Variants in SPRY3 observed in about 807,000 individuals in gnomAD.
SPRY3 encodes protein sprouty homolog 3.
A neutral mutation model predicts 20.2 loss-of-function variants in SPRY3; 15 were observed. The ratio of observed to expected loss-of-function variants is 0.74; its 90% CI spans 0.50 to 1.14. The LOEUF is 1.14. Ranked by LOEUF, SPRY3 falls within the 50% of genes most tolerant of loss-of-function variation. The pLI is 0.00. For synonymous variants in SPRY3, 143 were observed against 136.5 expected, an observed-to-expected ratio of 1.05 and a Z score of -0.33; for missense variants, 364 against 363.9, an observed-to-expected ratio of 1.00 and a Z score of 0.00.
chrX:155,616,643 A>G (rs1157987591), intron 1 of SPRY3, among the ~76,000 whole-genome samples: 1 of 111,338 alleles, frequency 9.0e-6, no homozygotes, highest in Admixed American at 9.5e-5. Flanking sequence ...CCTGGTTACC[A>G]TAGACCTTTA....
intron 2 of SPRY3, among the ~76,000 whole-genome samples, chrX:155,735,544 C>G (rs559038040): frequency 3.3e-5 from 5 of 152,020 alleles, no homozygotes; most frequent in African/African-American, 1.2e-4. Flanking sequence ...AGAGAATTGA[C>G]CCCTTTATTA....
chrX:155,723,220 G>C (rs1447012603), intron 2 of SPRY3, among the ~76,000 whole-genome samples: 1 of 152,014 alleles, frequency 6.6e-6, no homozygotes. Context: ...CTTTGCTATT[G>C]TGAATAGTTC....
chrX:155,774,697 G>A, exon 4 of SPRY3: 1 of 1,613,766 alleles, frequency 6.2e-7, no homozygotes, highest in Non-Finnish European at 8.5e-7. Context: ...GATCTCTTCT[G>A]GTAGTGCACC....
chrX:155,758,312 T>C (rs1602993737), intron 2 of SPRY3, among the ~76,000 whole-genome samples: 3 of 152,170 alleles, frequency 2.0e-5, no homozygotes, highest in African/African-American at 7.2e-5. Context: ...GGCCTAGAGA[T>C]GAAGAATGAC....
intron 1 of SPRY3, among the ~76,000 whole-genome samples, chrX:155,649,796 G>A (rs1477471869): frequency 9.0e-6 from 1 of 111,112 alleles, no homozygotes; most frequent in Non-Finnish European, 1.9e-5. Flanking sequence ...AGGAAATAAA[G>A]GGTATTCAAA....
intron 2 of SPRY3, among the ~76,000 whole-genome samples, chrX:155,735,433 C>A (rs1448681313): frequency 1.3e-5 from 2 of 151,956 alleles, no homozygotes; most frequent in Non-Finnish European, 1.5e-5. Flanking sequence ...AAATTTCCAA[C>A]TATAAAAGTG....
chrX:155,613,182 A>T (rs868980094), intron 1 of SPRY3, among the ~76,000 whole-genome samples: 1 of 112,311 alleles, frequency 8.9e-6, no homozygotes, highest in Non-Finnish European at 1.9e-5. Flanking sequence ...GCTCCTCCCG[A>T]GTCCTCCCAC....
chrX:155,692,874 G>A (rs184806793), intron 2 of SPRY3, among the ~76,000 whole-genome samples: 1 of 111,460 alleles, frequency 9.0e-6, no homozygotes, highest in East Asian at 2.8e-4. Flanking sequence ...ATGTACTGAT[G>A]TGCTCTTTGC....
intron 3 of SPRY3, among the ~76,000 whole-genome samples, chrX:155,771,609 A>G (rs1418857613): frequency 2.0e-5 from 3 of 152,166 alleles, no homozygotes; most frequent in Non-Finnish European, 4.4e-5. Context: ...AAATTTGTCA[A>G]AAGACTCCTC....
intron 2 of SPRY3, among the ~76,000 whole-genome samples, chrX:155,716,982 ATATAT>A (rs1187489445): frequency 4.5e-5 from 4 of 89,184 alleles, no homozygotes; most frequent in African/African-American, 1.6e-4. Context: ...AAAATACAAA[ATATAT>A]ATATATATAT....
chrX:155,680,127 A>C (rs1449717678), intron 2 of SPRY3, among the ~76,000 whole-genome samples: 1 of 99,645 alleles, frequency 1.0e-5, no homozygotes, highest in Non-Finnish European at 2.0e-5. Context: ...ACTGAAAGAT[A>C]AGATTTTAAG....
At chrX:155,776,996 C>A (rs899866748), downstream of SPRY3, 56 of 167,120 alleles carry the variant, frequency 3.4e-4, 1 homozygote, top group African/African-American at 1.3e-3. Context: ...TAAGGTTAGG[C>A]TTCTTGGAAC....
At chrX:155,757,513 C>G (rs1239907093) in intron 2 of SPRY3, among the ~76,000 whole-genome samples, 2 of 152,084 alleles carry the variant, frequency 1.3e-5, no homozygotes, top group Admixed American at 6.5e-5. Flanking sequence ...ATATGTGGGT[C>G]TAGAGTTCAG....
chrX:155,679,467 G>A (rs2068067413), intron 2 of SPRY3, among the ~76,000 whole-genome samples: 1 of 108,644 alleles, frequency 9.2e-6, no homozygotes, highest in South Asian at 4.1e-4. Flanking sequence ...AAAGGGTGGG[G>A]GTGGGAGTAG....
intron 2 of SPRY3, among the ~76,000 whole-genome samples, chrX:155,730,597 C>T (rs1402011683): frequency 6.6e-6 from 1 of 150,718 alleles, no homozygotes; most frequent in Non-Finnish European, 1.5e-5. Context: ...GAATGGGGAT[C>T]AGAACATGAC....
intron 1 of SPRY3, among the ~76,000 whole-genome samples, chrX:155,641,326 T>G (rs1180710079): frequency 5.4e-5 from 6 of 111,980 alleles, no homozygotes; most frequent in Non-Finnish European, 1.1e-4. Flanking sequence ...TTTCTAGTAT[T>G]TGGTTGAAAA....
intron 2 of SPRY3, among the ~76,000 whole-genome samples, chrX:155,731,919 T>G (rs1056888969): frequency 4.6e-5 from 7 of 152,072 alleles, no homozygotes; most frequent in Non-Finnish European, 1.0e-4. Flanking sequence ...TAGTATTATT[T>G]TTGCATTGCT....
At chrX:155,651,878 A>T (rs2067978510) in intron 1 of SPRY3, among the ~76,000 whole-genome samples, 1 of 111,755 alleles carries the variant, frequency 8.9e-6, no homozygotes, top group Admixed American at 9.6e-5. Flanking sequence ...ATAAAGAACT[A>T]CCTGAGACTG....
chrX:155,758,963 A>C (rs2091293714), intron 2 of SPRY3, among the ~76,000 whole-genome samples: 1 of 152,208 alleles, frequency 6.6e-6, no homozygotes, highest in Non-Finnish European at 1.5e-5. Context: ...TAATTTGCTC[A>C]AGCTGAGTGT....
Sources: allele counts gnomAD v4.1 joint callset (sites outside exome capture counted in the v4.1 genomes callset), GRCh38; gene constraint gnomAD v4.1.1; transcripts MANE v1.5; gene names NCBI Gene and HGNC (gene_info 2026-07-23, HGNC 2026-07-21).